The following EPS8 variants were observed in gnomAD, a reference collection of about 807,000 sequenced individuals.
EPS8 encodes epidermal growth factor receptor kinase substrate 8.
In EPS8, 42 loss-of-function variants were observed where a neutral mutation model predicts 103.8. That is an observed-to-expected ratio of 0.40 (90% CI 0.32 to 0.52). The LOEUF is 0.52. EPS8 is among the 20% of genes least tolerant of loss of function. EPS8 has a pLI of 0.40. For missense variants in EPS8, 969 were observed against 1,005.1 expected, an observed-to-expected ratio of 0.96 and a Z score of 0.49; for synonymous variants, 344 against 344.6, an observed-to-expected ratio of 1.00 and a Z score of 0.02.
At chr12:15,636,587 G>A (rs1263789129) in intron 17 of EPS8, among the ~76,000 whole-genome samples, 1 of 152,104 alleles carries the variant, frequency 6.6e-6, no homozygotes, top group Admixed American at 6.5e-5. Context: ...GTGAACAATA[G>A]GCAAGAGCTG....
rs1409268809 is a variant in EPS8 at position 15,731,957 on chromosome 12, T to TA, written c.-21-48986dup. 6.6e-6 allele frequency among the ~76,000 whole-genome samples: 1 copy of TA among 152,132 alleles called. No homozygotes were observed. The highest frequency in any genetic ancestry group is 6.5e-5 in the Admixed American group (1 of 15,268). ...GGATGGAATTTTTTCATTTTATCCATAAAAAGGAAACAAACTGAAAAGGTA... is the reference window on the plus strand; with the variant it reads ...GGATGGAATTTTTTCATTTTATCCATAAAAAAGGAAACAAACTGAAAAGGTA... On this transcript the variant is annotated intron_variant, in intron 1 of 20. Transcript: ENST00000281172. The surrounding 1 kb of genome is among the most constrained non-coding windows in gnomAD (Gnocchi z 5.1).
rs1224987083 is a variant in EPS8 at position 15,697,030 on chromosome 12, G to GTT, written c.-21-14059_-21-14058insAA. Among the ~76,000 whole-genome samples the GTT allele has an allele frequency of 2.6e-5, 4 of 152,124 alleles. No individual in the cohort carries two copies. The highest frequency in any genetic ancestry group is 4.8e-5 in the African/African-American group (2 of 41,428). Reference sequence around the variant, plus strand: ...GAGGAGATTTGAAGAGGGAATTATCGTAAGGCCAGCATTTGCATTTCTTTC... The same window carrying GTT: ...GAGGAGATTTGAAGAGGGAATTATCGTTTAAGGCCAGCATTTGCATTTCTTTC... On this transcript the variant is annotated intron_variant, in intron 1 of 20. Coordinates refer to ENST00000281172, the MANE Select transcript of EPS8 (RefSeq NM_004447.6). The surrounding 1 kb of genome is among the most constrained non-coding windows in gnomAD (Gnocchi z 5.6).
At chr12:15,765,610 T>C (rs1023345140) in intron 1 of EPS8, among the ~76,000 whole-genome samples, 4 of 151,914 alleles carry the variant, frequency 2.6e-5, no homozygotes, top group South Asian at 4.1e-4. Flanking sequence ...TTATTGGGGG[T>C]AGAGAAGAAC....
chr12:15,773,247 C>T (rs1216780226), intron 1 of EPS8, among the ~76,000 whole-genome samples: 1 of 152,130 alleles, frequency 6.6e-6, no homozygotes, highest in African/African-American at 2.4e-5. Context: ...ACATTTTAAA[C>T]TGACTCCATA....
rs759253839 is a variant in EPS8 at position 15,660,788 on chromosome 12, C to G, written c.811-48G>C. ...AAAATATAAAACAAAACTATTTTTA[C>G]CTTAGCTGTACTCTGTTAGTAAATA... On this transcript the variant is annotated intron_variant, in intron 9 of 20. Transcript: ENST00000281172. 5 of 1,148,774 alleles carry G rather than the reference C, an allele frequency of 4.4e-6. No homozygotes were observed. The Admixed American group carries it at 8.0e-5, about 18-fold the overall frequency. The allele number at this position is 1,148,774 out of a possible 1,614,324, so 71.2% of individuals were successfully genotyped here.
At position 15,702,695 on chromosome 12, in the gene EPS8, T is replaced by C. The variant is rs534454495; in HGVS notation, c.-21-19723A>G. 6.8e-6 allele frequency among the ~76,000 whole-genome samples: 1 copy of C among 146,928 alleles called. No individual in the cohort carries two copies. Among genetic ancestry groups the C allele is most frequent in the Non-Finnish European group, 1.5e-5 (1 of 68,000 alleles). On this transcript the variant is annotated intron_variant, in intron 1 of 20. Coordinates refer to ENST00000281172, the MANE Select transcript of EPS8 (RefSeq NM_004447.6). The surrounding 1 kb of genome is among the most constrained non-coding windows in gnomAD (Gnocchi z 5.1). ...TCCAAAACACATATCCAATACAATA[T>C]ATAAATATGAAGAAAAAAATTGCAT...
At chr12:15,664,527 T>G (rs2135828983) in intron 8 of EPS8, among the ~76,000 whole-genome samples, 1 of 152,296 alleles carries the variant, frequency 6.6e-6, no homozygotes, top group African/African-American at 2.4e-5. Flanking sequence ...TGAATTATTA[T>G]CCCCATTTCA....
chr12:15,673,130 T>C (rs1945845195), intron 3 of EPS8, among the ~76,000 whole-genome samples: 1 of 152,188 alleles, frequency 6.6e-6, no homozygotes, highest in Non-Finnish European at 1.5e-5. Context: ...TGATAGCATT[T>C]TAAACAGTAT....
At chr12:15,715,983 A>C (rs571908904) in intron 1 of EPS8, among the ~76,000 whole-genome samples, 1 of 152,196 alleles carries the variant, frequency 6.6e-6, no homozygotes, top group African/African-American at 2.4e-5. Flanking sequence ...AGAAAGTACT[A>C]ATATAATTCC....
chr12:15,724,670 G>T (rs1169026441), intron 1 of EPS8, among the ~76,000 whole-genome samples: 2 of 152,118 alleles, frequency 1.3e-5, no homozygotes, highest in Non-Finnish European at 2.9e-5. Context: ...TGAATCACAA[G>T]GCAGTGTCCT....
chr12:15,641,329 A>G (rs1945225022), intron 16 of EPS8, among the ~76,000 whole-genome samples: 1 of 151,420 alleles, frequency 6.6e-6, no homozygotes, highest in Non-Finnish European at 1.5e-5. Context: ...TATTAGCTCA[A>G]TGACTGCTGA....
chr12:15,752,843 C>A lies in EPS8; in HGVS notation c.-22+36318G>T, dbSNP rs1946947579. Reference sequence around the variant, plus strand: ...TAACACCTTAAAAATACCTTTGAATCCACTATCTCATTGCATTATCATAAA... The same window carrying A: ...TAACACCTTAAAAATACCTTTGAATACACTATCTCATTGCATTATCATAAA... On this transcript the variant is annotated intron_variant, in intron 1 of 20. Coordinates refer to ENST00000281172, the MANE Select transcript of EPS8 (RefSeq NM_004447.6). This position sits in a 1 kb window ranked among gnomAD's most constrained non-coding sequence, Gnocchi z 4.4. Among the ~76,000 whole-genome samples the A allele has an allele frequency of 6.6e-6, 1 of 152,038 alleles. No individual in the cohort carries two copies. The highest frequency in any genetic ancestry group is 1.5e-5 in the Non-Finnish European group (1 of 68,014).
chr12:15,662,532 A>G, intron 8 of EPS8: 1 of 986,480 alleles, frequency 1.0e-6, no homozygotes, highest in Non-Finnish European at 1.2e-6. Flanking sequence ...TGACTACAAT[A>G]AAGCTTTCGG....
In EPS8 at chr12:15,688,306, A is replaced by G. The variant is rs1310851078; in HGVS notation, c.-21-5334T>C. 6.6e-6 allele frequency among the ~76,000 whole-genome samples: 1 copy of G among 152,178 alleles called. No individual in the cohort carries two copies. The highest frequency in any genetic ancestry group is 1.5e-5 in the Non-Finnish European group (1 of 68,022). On this transcript the variant is annotated intron_variant, in intron 1 of 20. Coordinates refer to ENST00000281172, the MANE Select transcript of EPS8 (RefSeq NM_004447.6). The surrounding 1 kb of genome is among the most constrained non-coding windows in gnomAD (Gnocchi z 5.1). The stretch of plus-strand genomic sequence containing the variant: ...CGGTTAAGTCATTTGCCTAAGTGGT[A>G]ATGATACGGAAGGGAAGGGAGTGGT...
chr12:15,682,978 AAAAG>A lies in EPS8; in HGVS notation c.-21-10_-21-7del, dbSNP rs768563797. The A allele has an allele frequency of 6.6e-7, 1 of 1,512,238 alleles. No homozygotes were observed. Among genetic ancestry groups the A allele is most frequent in the Non-Finnish European group, 9.0e-7 (1 of 1,113,732 alleles). 93.7% of individuals were successfully genotyped at this position (1,512,238 alleles called of 1,614,324 possible). On this transcript the variant is annotated splice_polypyrimidine_tract_variant and splice_region_variant and intron_variant, in intron 1 of 20. Transcript: ENST00000281172. ...GTGTCTTTCACTTGTGTGTTCTAAA[AAAAG>A]AAAGACACATAGATTAAAGGCAATA...
intron 1 of EPS8, among the ~76,000 whole-genome samples, chr12:15,737,779 GA>G (rs1322212246): frequency 6.6e-6 from 1 of 152,068 alleles, no homozygotes; most frequent in Non-Finnish European, 1.5e-5. Flanking sequence ...ATATCCTAGT[GA>G]CTTTTTTTTA....
intron 1 of EPS8, among the ~76,000 whole-genome samples, chr12:15,708,911 A>G (rs1946423826): frequency 6.6e-6 from 1 of 152,218 alleles, no homozygotes; most frequent in South Asian, 2.1e-4. Flanking sequence ...GTATTGAGCC[A>G]CTATGCAACA....
At position 15,697,957 on chromosome 12, in the gene EPS8, T is replaced by G. The variant is rs892698648; in HGVS notation, c.-21-14985A>C. 2.1e-4 allele frequency among the ~76,000 whole-genome samples: 32 copies of G among 152,174 alleles called. No individual in the cohort carries two copies. The highest frequency in any genetic ancestry group is 7.7e-4 in the African/African-American group (32 of 41,442). Reference sequence around the variant, plus strand: ...ATGGCATCACCTTGACTTTGTTCCATGAAGTTCATGTCTATTACAGAAATT... The same window carrying G: ...ATGGCATCACCTTGACTTTGTTCCAGGAAGTTCATGTCTATTACAGAAATT... On this transcript the variant is annotated intron_variant, in intron 1 of 20. Coordinates refer to ENST00000281172, the MANE Select transcript of EPS8 (RefSeq NM_004447.6). This position sits in a 1 kb window ranked among gnomAD's most constrained non-coding sequence, Gnocchi z 5.6.
intron 1 of EPS8, among the ~76,000 whole-genome samples, chr12:15,765,260 C>T (rs1018743943): frequency 2.6e-5 from 4 of 152,154 alleles, no homozygotes; most frequent in Admixed American, 6.5e-5. Flanking sequence ...GATTCCTTCA[C>T]TTTATAAGTT....
Sources: gnomAD v4.1 joint callset for allele counts (sites outside exome capture counted in the v4.1 genomes callset) on GRCh38, gnomAD v4.1.1 for gene constraint, Gnocchi (gnomAD v3.1) non-coding constraint, MANE v1.5 for transcripts, NCBI Gene and HGNC (gene_info 2026-07-23, HGNC 2026-07-21) for gene names.